OLFM3: variants seen among roughly 807,000 people sequenced by gnomAD.
OLFM3 encodes the protein noelin-3.
In OLFM3, 20 loss-of-function variants were observed where a neutral mutation model predicts 48.6. The observed-to-expected ratio is 0.41, with a 90% CI of 0.29 to 0.60. The LOEUF is 0.60. OLFM3 is among the 20% of genes least tolerant of loss of function. The probability of loss-of-function intolerance (pLI) is 0.28; values close to 1 mark genes in which losing one functional copy is unlikely to be tolerated. For missense variants in OLFM3, 437 were observed against 544.3 expected (o/e 0.80, Z 1.96); for synonymous variants, 222 against 198.1 (o/e 1.12, Z -1.01).
intron 1 of OLFM3, among the ~76,000 whole-genome samples, chr1:101,846,670 G>T (rs966608607): frequency 3.3e-5 from 5 of 151,630 alleles, no homozygotes; most frequent in Non-Finnish European, 7.4e-5. Context: ...CCATTTTTGG[G>T]GTATAACTAT....
intron 2 of OLFM3, among the ~76,000 whole-genome samples, chr1:101,836,185 C>A (rs1570541799): frequency 6.6e-6 from 1 of 152,184 alleles, no homozygotes; most frequent in African/African-American, 2.4e-5. Context: ...AGCTGTCTTA[C>A]TACATTTAGA....
At chr1:101,896,930 A>T (rs1267900600) in intron 1 of OLFM3, among the ~76,000 whole-genome samples, 8 of 152,122 alleles carry the variant, frequency 5.3e-5, no homozygotes, top group Non-Finnish European at 1.2e-4. Context: ...TTAGGAGAAA[A>T]GATGCTCACA....
At chr1:101,809,272 A>G (rs1653931954) in intron 4 of OLFM3, among the ~76,000 whole-genome samples, 1 of 151,880 alleles carries the variant, frequency 6.6e-6, no homozygotes, top group Admixed American at 6.6e-5. Flanking sequence ...TAGTTCTAAA[A>G]AACTACTGTG....
At chr1:101,920,397 G>A (rs1250721106) in intron 1 of OLFM3, among the ~76,000 whole-genome samples, 1 of 152,172 alleles carries the variant, frequency 6.6e-6, no homozygotes, top group African/African-American at 2.4e-5. Flanking sequence ...CATGAAGGCA[G>A]GGTATTTGTC....
At chr1:101,903,640 G>T (rs1205491150) in intron 1 of OLFM3, among the ~76,000 whole-genome samples, 1 of 151,984 alleles carries the variant, frequency 6.6e-6, no homozygotes, top group Non-Finnish European at 1.5e-5. Flanking sequence ...TGACACTTAA[G>T]AACTGCTTGT....
intron 1 of OLFM3, among the ~76,000 whole-genome samples, chr1:101,940,833 A>G (rs1016173070): frequency 1.6e-4 from 25 of 151,992 alleles, no homozygotes; most frequent in African/African-American, 5.8e-4. Flanking sequence ...ATACATATTT[A>G]TGTCTATACC....
intron 1 of OLFM3, among the ~76,000 whole-genome samples, chr1:101,978,786 A>G (rs975862696): frequency 6.6e-6 from 1 of 152,076 alleles, no homozygotes; most frequent in African/African-American, 2.4e-5. Context: ...CTATTATATC[A>G]TCCCATAGCA....
chr1:101,805,003 A>G (rs553348706), intron 5 of OLFM3, 88 bp from the exon 6 acceptor site: 1 of 1,024,522 alleles, frequency 9.8e-7, no homozygotes. Flanking sequence ...GTCAACACTT[A>G]TTATAATTCT....
At chr1:101,913,366 A>G (rs144297552) in intron 1 of OLFM3, among the ~76,000 whole-genome samples, 1 of 152,182 alleles carries the variant, frequency 6.6e-6, no homozygotes, top group Admixed American at 6.5e-5. Flanking sequence ...GAATGTTATA[A>G]GAAACATTGC....
At chr1:101,866,772 T>G (rs1656878606) in intron 1 of OLFM3, among the ~76,000 whole-genome samples, 1 of 152,228 alleles carries the variant, frequency 6.6e-6, no homozygotes, top group Non-Finnish European at 1.5e-5. Flanking sequence ...TTCAAATATT[T>G]GCAGGTTTTT....
At chr1:101,914,522 C>A (rs2101031589) in intron 1 of OLFM3, among the ~76,000 whole-genome samples, 1 of 152,308 alleles carries the variant, frequency 6.6e-6, no homozygotes, top group South Asian at 2.1e-4. Context: ...ACCTAAATTT[C>A]TCAGTTTTTA....
chr1:101,955,033 A>G (rs1489508563), intron 1 of OLFM3, among the ~76,000 whole-genome samples: 1 of 152,070 alleles, frequency 6.6e-6, no homozygotes, highest in Non-Finnish European at 1.5e-5. Flanking sequence ...TTATGAGGCT[A>G]TTTCAGTAGA....
At chr1:101,919,104 A>G (rs1659013748) in intron 1 of OLFM3, among the ~76,000 whole-genome samples, 1 of 152,218 alleles carries the variant, frequency 6.6e-6, no homozygotes, top group Non-Finnish European at 1.5e-5. Context: ...TCAGAAAGCA[A>G]AAACAACTGG....
chr1:101,977,736 T>C (rs190326177), intron 1 of OLFM3, among the ~76,000 whole-genome samples: 2 of 152,192 alleles, frequency 1.3e-5, no homozygotes, highest in Non-Finnish European at 2.9e-5. Flanking sequence ...GTGGCCAAGA[T>C]TTATTCCATC....
intron 1 of OLFM3, among the ~76,000 whole-genome samples, chr1:101,974,428 A>C (rs1478337690): frequency 6.6e-6 from 1 of 152,158 alleles, no homozygotes; most frequent in Non-Finnish European, 1.5e-5. Context: ...ATAATTTCAT[A>C]GTTACTAAAG....
At chr1:101,913,655 A>G (rs1415107) in intron 1 of OLFM3, among the ~76,000 whole-genome samples, 27,430 of 150,706 alleles carry the variant, frequency 0.18, 3,179 homozygotes, top group Non-Finnish European at 0.27. Flanking sequence ...CCAGAGGCTG[A>G]GTTCAAACCT....
chr1:101,894,731 A>T (rs1658134919), intron 1 of OLFM3, among the ~76,000 whole-genome samples: 1 of 152,186 alleles, frequency 6.6e-6, no homozygotes, highest in African/African-American at 2.4e-5. Flanking sequence ...AGTCCAATAA[A>T]GGGAACACTA....
rs922855577 is a variant in OLFM3 at position 101,973,923 on chromosome 1, T to A, written c.69+22825A>T. 1.1e-4 allele frequency among the ~76,000 whole-genome samples: 16 copies of A among 152,250 alleles called. No individual in the cohort carries two copies. The South Asian group carries it at 3.1e-3, about 30-fold the overall frequency. On this transcript the variant is annotated intron_variant, in intron 1 of 5. Coordinates refer to ENST00000370103, the MANE Select transcript of OLFM3 (RefSeq NM_058170.4). ...AAAATAAACTTGCTTTCTTTCACTG[T>A]TTTCCCAAGGATTTTGAAATAATAT... is the stretch of plus-strand genomic sequence containing the variant.
intron 1 of OLFM3, among the ~76,000 whole-genome samples, chr1:101,854,557 AG>A (rs1656344178): frequency 1.3e-5 from 2 of 152,060 alleles, no homozygotes; most frequent in South Asian, 4.1e-4. Context: ...AAATTGAAGA[AG>A]TGGGAAAATA....
Sources: gnomAD v4.1 joint callset for allele counts (sites outside exome capture counted in the v4.1 genomes callset) on GRCh38, gnomAD v4.1.1 for gene constraint, MANE v1.5 for transcripts, NCBI Gene and HGNC (gene_info 2026-07-23, HGNC 2026-07-21) for gene names.